The following RARB variants were observed in gnomAD, a reference collection of about 807,000 sequenced individuals.
RARB encodes retinoic acid receptor beta.
A neutral mutation model predicts 51.9 loss-of-function variants in RARB; 17 were observed. The observed-to-expected ratio is 0.33, with a 90% CI of 0.22 to 0.49. The LOEUF (loss-of-function observed/expected upper bound fraction) is 0.49, where lower values mean the gene tolerates loss of function less well. Ranked by LOEUF, RARB falls within the 20% of genes least tolerant of loss-of-function variation. The pLI, the probability that RARB is intolerant of heterozygous loss-of-function variation, is 0.99. For synonymous variants in RARB, 215 were observed against 195.4 expected (o/e 1.10, Z -0.84); for missense variants, 369 against 550.8 (o/e 0.67, Z 3.30).
chr3:25,515,913 C>T (rs1352971630), intron 3 of RARB, among the ~76,000 whole-genome samples: 1 of 152,194 alleles, frequency 6.6e-6, no homozygotes, highest in Non-Finnish European at 1.5e-5. Flanking sequence ...GCCATTTCTT[C>T]CTGTGCATAG....
At chr3:25,177,769 T>G (rs1036138572) in intron 5 of RARB, among the ~76,000 whole-genome samples, 9 of 152,200 alleles carry the variant, frequency 5.9e-5, no homozygotes, top group African/African-American at 2.2e-4. Flanking sequence ...AATGGCTCCA[T>G]TCCCACACAT....
At chr3:25,131,146 G>A (rs1256109525) in intron 3 of RARB, among the ~76,000 whole-genome samples, 2 of 151,794 alleles carry the variant, frequency 1.3e-5, no homozygotes, top group Non-Finnish European at 2.9e-5. Context: ...TGAGATCTTA[G>A]GACATGCCCA....
chr3:25,263,267 T>C (rs1703050711), intron 5 of RARB, among the ~76,000 whole-genome samples: 1 of 152,214 alleles, frequency 6.6e-6, no homozygotes, highest in Admixed American at 6.5e-5. Context: ...CCTTCATGTG[T>C]TAATTCATTT....
At chr3:25,509,629 G>A (rs1697789146) in intron 3 of RARB, among the ~76,000 whole-genome samples, 1 of 152,170 alleles carries the variant, frequency 6.6e-6, no homozygotes, top group African/African-American at 2.4e-5. Flanking sequence ...GCCCAGAGAT[G>A]CCGAGACATG....
intron 5 of RARB, among the ~76,000 whole-genome samples, chr3:25,248,892 T>C (rs550222863): frequency 6.6e-6 from 1 of 152,300 alleles, no homozygotes; most frequent in South Asian, 2.1e-4. Flanking sequence ...TTTTGACAGT[T>C]GGGCTACACT....
At chr3:25,463,089 C>A (rs2125557815) in intron 2 of RARB, among the ~76,000 whole-genome samples, 1 of 152,234 alleles carries the variant, frequency 6.6e-6, no homozygotes, top group African/African-American at 2.4e-5. Flanking sequence ...CCCAGGCTGA[C>A]CTCGAATTCC....
chr3:24,836,898 A>G (rs1575029519), intron 1 of RARB, among the ~76,000 whole-genome samples: 1 of 152,322 alleles, frequency 6.6e-6, no homozygotes, highest in East Asian at 1.9e-4. Context: ...TATCATTTAT[A>G]TATGTATTTA....
chr3:25,287,535 CCA>C (rs1220075760), intron 5 of RARB, among the ~76,000 whole-genome samples: 5 of 152,170 alleles, frequency 3.3e-5, no homozygotes, highest in Non-Finnish European at 5.9e-5. Context: ...CTATCCTGGT[CCA>C]CACACAGACA....
At chr3:25,401,597 T>G (rs751716300) in intron 5 of RARB, among the ~76,000 whole-genome samples, 2 of 152,108 alleles carry the variant, frequency 1.3e-5, no homozygotes, top group African/African-American at 4.8e-5. Flanking sequence ...AAATAGAAAT[T>G]TCAGAACTGA....
intron 4 of RARB, among the ~76,000 whole-genome samples, chr3:25,166,336 A>T (rs1217731650): frequency 6.6e-6 from 1 of 152,206 alleles, no homozygotes; most frequent in East Asian, 1.9e-4. Flanking sequence ...AGCAAAAGCA[A>T]CTGACAGGAT....
chr3:24,834,324 T>A (rs1431332051), intron 1 of RARB, among the ~76,000 whole-genome samples: 3 of 152,192 alleles, frequency 2.0e-5, no homozygotes, highest in African/African-American at 7.2e-5. Context: ...ATAATCATAA[T>A]CTTGAATAGC....
intron 5 of RARB, among the ~76,000 whole-genome samples, chr3:25,415,221 T>C (rs944497419): frequency 4.6e-5 from 7 of 152,070 alleles, no homozygotes; most frequent in Admixed American, 3.3e-4. Context: ...TCTAATTATT[T>C]TGTTTTTTTT....
At chr3:24,899,547 T>C (rs2363517) in intron 2 of RARB, among the ~76,000 whole-genome samples, 115,177 of 152,034 alleles carry the variant, frequency 0.76, 44,058 homozygotes, top group East Asian at 0.87. Flanking sequence ...GGGACAAAAG[T>C]CTAGTGGGAA....
intron 2 of RARB, among the ~76,000 whole-genome samples, chr3:24,946,418 G>A (rs1358567088): frequency 7.0e-6 from 1 of 143,274 alleles, no homozygotes; most frequent in Non-Finnish European, 1.6e-5. Context: ...TTAGAAGGTG[G>A]TGGGAAGTTG....
At chr3:25,316,206 T>G (rs1704420426) in intron 5 of RARB, among the ~76,000 whole-genome samples, 1 of 152,214 alleles carries the variant, frequency 6.6e-6, no homozygotes, top group African/African-American at 2.4e-5. Context: ...TGTATCTTTA[T>G]TACATATTTA....
chr3:25,212,256 A>G (rs1226525770), intron 5 of RARB, among the ~76,000 whole-genome samples: 2 of 152,240 alleles, frequency 1.3e-5, no homozygotes, highest in Non-Finnish European at 1.5e-5. Context: ...AATAAATAAT[A>G]TAGACTATGC....
intron 2 of RARB, among the ~76,000 whole-genome samples, chr3:24,894,398 GGAT>G (rs1703441606): frequency 6.6e-6 from 1 of 151,644 alleles, no homozygotes; most frequent in Non-Finnish European, 1.5e-5. Flanking sequence ...ACTTCACTTA[GGAT>G]AATGACCTCC....
intron 5 of RARB, among the ~76,000 whole-genome samples, chr3:25,204,503 G>A (rs1365298951): frequency 6.6e-6 from 1 of 152,198 alleles, no homozygotes; most frequent in African/African-American, 2.4e-5. Flanking sequence ...GAGGCACTCT[G>A]ATTTTTAGAA....
At chr3:25,511,101 C>A (rs776662208) in intron 3 of RARB, among the ~76,000 whole-genome samples, 31 of 151,630 alleles carry the variant, frequency 2.0e-4, no homozygotes, top group Admixed American at 5.3e-4. Flanking sequence ...AGTCACTTGA[C>A]CTGAAAACCC....
Sources: allele counts gnomAD v4.1 joint callset (sites outside exome capture counted in the v4.1 genomes callset), GRCh38; gene constraint gnomAD v4.1.1; transcripts MANE v1.5; gene names NCBI Gene and HGNC (gene_info 2026-07-23, HGNC 2026-07-21).